LIMS2: variants seen among roughly 807,000 people sequenced by gnomAD.
LIMS2 encodes LIM and senescent cell antigen-like-containing domain protein 2.
Under a neutral mutation model 45.3 loss-of-function variants are expected in LIMS2, and 30 were observed. That is an observed-to-expected ratio of 0.66 (90% CI 0.50 to 0.90). The LOEUF is 0.90. Among genes scored for constraint, LIMS2 ranks in the 40% least tolerant of loss-of-function variants. The pLI, the probability that LIMS2 is intolerant of heterozygous loss-of-function variation, is 0.00. For synonymous variants in LIMS2, 173 were observed against 188.0 expected (o/e 0.92, Z 0.65); for missense variants, 485 against 468.7 (o/e 1.03, Z -0.32).
intron 1 of LIMS2, among the ~76,000 whole-genome samples, chr2:127,662,974 A>T (rs943294151): frequency 1.3e-5 from 2 of 152,212 alleles, no homozygotes; most frequent in African/African-American, 4.8e-5. Flanking sequence ...GTACAACTGA[A>T]ACATGTTACA....
chr2:127,640,185 T>C, intron 8 of LIMS2, 40 bp from the exon 9 acceptor site: 1 of 1,612,400 alleles, frequency 6.2e-7, no homozygotes, highest in Non-Finnish European at 8.5e-7. Context: ...CTGGCTAGGC[T>C]GCCGCAGGCC....
At chr2:127,651,163 G>A (rs370895551) in intron 4 of LIMS2, 372 of 1,612,540 alleles carry the variant, frequency 2.3e-4, no homozygotes, top group Non-Finnish European at 2.6e-4. Flanking sequence ...CTCAAGCTCC[G>A]CAGGCCCCTC....
upstream of LIMS2, among the ~76,000 whole-genome samples, chr2:127,679,516 G>A (rs1367397484): frequency 6.6e-6 from 1 of 152,066 alleles, no homozygotes; most frequent in South Asian, 2.1e-4. This position sits in a 1 kb window ranked among gnomAD's most constrained non-coding sequence, Gnocchi z 5.3. Context: ...GGTGAAGGAG[G>A]TGCAGCATCT....
chr2:127,640,239 G>A (rs757721098), intron 8 of LIMS2, 31 bp downstream of exon 8: 1 of 1,612,954 alleles, frequency 6.2e-7, no homozygotes, highest in Admixed American at 1.7e-5. Flanking sequence ...AGGAGAGCAG[G>A]TGGGGTGGGG....
At chr2:127,673,822 T>TG in intron 1 of LIMS2, 1 of 1,347,376 alleles carries the variant, frequency 7.4e-7, no homozygotes, top group Non-Finnish European at 1.0e-6. Flanking sequence ...GCTAGAACCC[T>TG]AGGGGGTGAC....
In LIMS2 at chr2:127,642,409, G is replaced by A; in HGVS notation, c.510-210C>T. ...CACAGACTTCCTGCACAGCCCAGAA[G>A]AGTGGGCTGTGTTCTGCACCCAGGC... On this transcript the variant is annotated intron_variant, in intron 5 of 9. Coordinates refer to ENST00000355119, the MANE Select transcript of LIMS2 (RefSeq NM_001161403.3). This position sits in a 1 kb window ranked among gnomAD's most constrained non-coding sequence, Gnocchi z 5.3. 1.9e-6 allele frequency: 1 copy of A among 533,362 alleles called. No homozygotes were observed. 33.0% of individuals were successfully genotyped at this position (533,362 alleles called of 1,614,324 possible).
rs1296968834 is a variant in LIMS2 at position 127,667,782 on chromosome 2, G to A, written c.11+7232C>T. Among the ~76,000 whole-genome samples the A allele has an allele frequency of 6.6e-6, 1 of 152,200 alleles. No individual in the cohort carries two copies. The highest frequency in any genetic ancestry group is 1.5e-5 in the Non-Finnish European group (1 of 68,028). On this transcript the variant is annotated intron_variant, in intron 1 of 9. Transcript: ENST00000355119. This position sits in a 1 kb window ranked among gnomAD's most constrained non-coding sequence, Gnocchi z 4.1. ...AATGCTTTCCTCCTAAGGTCAGGGG[G>A]ATTTCCAGTCCGCTATTTGTTTTCA...
At chr2:127,675,745 A>G (rs940557575), upstream of LIMS2, among the ~76,000 whole-genome samples, 2 of 151,568 alleles carry the variant, frequency 1.3e-5, no homozygotes, top group African/African-American at 4.9e-5. Flanking sequence ...CGGAGTTCCC[A>G]CCGCGGATCT....
At chr2:127,655,298 C>T (rs560536561) in intron 2 of LIMS2, 98 of 254,480 alleles carry the variant, frequency 3.9e-4, no homozygotes, top group African/African-American at 2.1e-3. Flanking sequence ...CCAGCTCTCT[C>T]AGAGGCCATG....
Position 127,664,523 on chromosome 2 carries a change from G to C in LIMS2, c.12-6961C>G. 1 of 1,152,888 alleles carries C rather than the reference G, an allele frequency of 8.7e-7. No homozygotes were observed. The highest frequency in any genetic ancestry group is 1.1e-6 in the Non-Finnish European group (1 of 937,722). 71.4% of individuals were successfully genotyped at this position (1,152,888 alleles called of 1,614,324 possible). ...ACGGGCGTGTGGGCGCCTCCCCCGC[G>C]CTGGTCGCGAGCTCACGTTACGCGC... On this transcript the variant is annotated intron_variant, in intron 1 of 9. Transcript: ENST00000355119. This position sits in a 1 kb window ranked among gnomAD's most constrained non-coding sequence, Gnocchi z 5.5.
intron 4 of LIMS2, 160 bp from the exon 5 acceptor site, chr2:127,643,232 G>A (rs1239384698): frequency 8.5e-6 from 6 of 709,540 alleles, no homozygotes; most frequent in South Asian, 5.6e-5. Context: ...CTGTCACAAG[G>A]CCCAGAAGGT....
intron 4 of LIMS2, chr2:127,650,187 G>A: frequency 1.0e-6 from 1 of 990,836 alleles, no homozygotes; most frequent in East Asian, 2.6e-5. Context: ...GCAGAAAGCG[G>A]TGACACCCCG....
upstream of LIMS2, among the ~76,000 whole-genome samples, chr2:127,677,412 G>A (rs1215848205): frequency 6.6e-6 from 1 of 152,166 alleles, no homozygotes; most frequent in Non-Finnish European, 1.5e-5. This position sits in a 1 kb window ranked among gnomAD's most constrained non-coding sequence, Gnocchi z 5.0. Context: ...GCTTTAGAGT[G>A]AAGGGTGAGG....
At chr2:127,668,672 A>G (rs1685133237) in intron 1 of LIMS2, among the ~76,000 whole-genome samples, 1 of 90,746 alleles carries the variant, frequency 1.1e-5, no homozygotes. Context: ...CCGTCTCAAA[A>G]AAAAAAAAAA....
At chr2:127,650,102 G>A (rs560393938) in intron 4 of LIMS2, 28 of 1,583,908 alleles carry the variant, frequency 1.8e-5, no homozygotes, top group African/African-American at 6.7e-5. Context: ...GACCTCTGAC[G>A]TCCCAGGGTA....
At chr2:127,662,301 A>G (rs1310067129) in intron 1 of LIMS2, among the ~76,000 whole-genome samples, 1 of 152,034 alleles carries the variant, frequency 6.6e-6, no homozygotes, top group Non-Finnish European at 1.5e-5. Context: ...CCTCCTTCCA[A>G]CGAAGTCCTC....
chr2:127,677,392 G>A (rs1214925827), upstream of LIMS2, among the ~76,000 whole-genome samples: 1 of 152,174 alleles, frequency 6.6e-6, no homozygotes, highest in Non-Finnish European at 1.5e-5. The surrounding 1 kb of genome is among the most constrained non-coding windows in gnomAD (Gnocchi z 5.0). Context: ...AAAGGACAAT[G>A]GTGGTGGCTG....
rs765057702 is a variant in LIMS2 at position 127,642,227 on chromosome 2, G to A, written c.510-28C>T. The A allele has an allele frequency of 1.9e-5, 28 of 1,492,460 alleles. No individual in the cohort carries two copies. The highest frequency in any genetic ancestry group is 2.0e-4 in the Middle Eastern group (1 of 4,958). 92.5% of individuals were successfully genotyped at this position (1,492,460 alleles called of 1,614,324 possible). ...GGAAGACAGCGTGCAGCCCCCAGGT[G>A]CCACCCCTGCCCTTCTGCAGGGTCA... On this transcript the variant is annotated intron_variant, in intron 5 of 9. Transcript: ENST00000355119. The surrounding 1 kb of genome is among the most constrained non-coding windows in gnomAD (Gnocchi z 5.3).
chr2:127,668,450 C>G (rs1456122880), intron 1 of LIMS2, among the ~76,000 whole-genome samples: 4 of 151,694 alleles, frequency 2.6e-5, no homozygotes, highest in Non-Finnish European at 4.4e-5. Flanking sequence ...AGGTGGATCA[C>G]TTGAGGTCAG....
Sources: allele counts gnomAD v4.1 joint callset (sites outside exome capture counted in the v4.1 genomes callset), GRCh38; gene constraint gnomAD v4.1.1; non-coding constraint Gnocchi (gnomAD v3.1); transcripts MANE v1.5; gene names NCBI Gene and HGNC (gene_info 2026-07-23, HGNC 2026-07-21).